The following CCNH variants were observed in gnomAD, a reference collection of about 807,000 sequenced individuals.
The protein encoded by CCNH is cyclin H, also known as cyclin-H.
A neutral mutation model predicts 41.9 loss-of-function variants in CCNH; 31 were observed. The observed-to-expected ratio is 0.74, with a 90% CI of 0.56 to 1.00. CCNH has a LOEUF of 1.00. CCNH is among the 50% of genes least tolerant of loss of function. CCNH has a pLI of 0.00. For missense variants in CCNH, 362 were observed against 388.4 expected, an observed-to-expected ratio of 0.93 and a Z score of 0.57; for synonymous variants, 138 against 136.1, an observed-to-expected ratio of 1.01 and a Z score of -0.10.
rs1410065542 is a variant in CCNH at position 87,412,741 on chromosome 5, C to T, written c.54G>A (p.Gln18=). The T allele has an allele frequency of 1.2e-6, 2 of 1,614,244 alleles. No homozygotes were observed. The highest frequency in any genetic ancestry group is 2.2e-5 in the South Asian group (2 of 91,078). Residue 18 remains glutamine (Q), a synonymous_variant, in exon 1 of 9, where the codon CAG becomes CAA. Transcript: ENST00000256897. ...KRHWTFSSEE[Q]LARLRADANR... is the part of the protein sequence containing the mutation. The stretch of plus-strand genomic sequence containing the variant: ...TGGCGTCAGCCCGCAGTCTTGCCAG[C>T]TGCTCCTCGCTGGAGAAGGTCCAGT...
chr5:87,385,949 T>C (rs2112514798), intron 9 of CCNH, among the ~76,000 whole-genome samples: 1 of 152,170 alleles, frequency 6.6e-6, no homozygotes, highest in East Asian at 1.9e-4. Flanking sequence ...CTTGCATACA[T>C]TTCCTTTCAT....
At chr5:87,362,609 G>A (rs776213397) in intron 9 of CCNH, 5 of 1,595,386 alleles carry the variant, frequency 3.1e-6, no homozygotes, top group Admixed American at 3.3e-5. Context: ...AATACCATCC[G>A]TCGTAAAACA....
chr5:87,329,034 G>C (rs1163351428), intron 9 of CCNH, among the ~76,000 whole-genome samples: 2 of 152,108 alleles, frequency 1.3e-5, no homozygotes, highest in East Asian at 3.8e-4. Flanking sequence ...TGAAGCTTAC[G>C]ACCTTTTGAC....
At chr5:87,359,167 T>A (rs1759881775) in intron 9 of CCNH, among the ~76,000 whole-genome samples, 1 of 152,184 alleles carries the variant, frequency 6.6e-6, no homozygotes. Flanking sequence ...TGAATTAATA[T>A]ATTAAATGGC....
chr5:87,409,813 G>T (rs1355320844), intron 2 of CCNH, among the ~76,000 whole-genome samples: 2 of 152,194 alleles, frequency 1.3e-5, no homozygotes, highest in Non-Finnish European at 2.9e-5. Flanking sequence ...CTCCATATTT[G>T]TGATATAACC....
chr5:87,351,456 G>A (rs191690100), intron 9 of CCNH, among the ~76,000 whole-genome samples: 181 of 151,732 alleles, frequency 1.2e-3, no homozygotes, highest in Non-Finnish European at 2.0e-3. Context: ...TAGACCTTGA[G>A]GAGACAATAT....
At chr5:87,412,427 CTACT>C (rs1764325870) in intron 1 of CCNH, 1 of 1,348,686 alleles carries the variant, frequency 7.4e-7, no homozygotes, top group African/African-American at 1.5e-5. Flanking sequence ...CCTTAGCACA[CTACT>C]TACTCTCTTC....
At chr5:87,390,701 T>G (rs1580421858), downstream of CCNH, 2 of 921,652 alleles carry the variant, frequency 2.2e-6, no homozygotes, top group Non-Finnish European at 1.8e-6. Flanking sequence ...ATTTTATGCA[T>G]CCTTTTGCTT....
intron 9 of CCNH, chr5:87,349,387 T>A: frequency 1.2e-6 from 2 of 1,610,176 alleles, no homozygotes; most frequent in Non-Finnish European, 1.7e-6. Flanking sequence ...TTTTTAGCTA[T>A]CTTTTACTTT....
chr5:87,394,527 A>G, intron 8 of CCNH, 43 bp from the exon 9 acceptor site: 3 of 1,610,732 alleles, frequency 1.9e-6, no homozygotes, highest in Non-Finnish European at 2.5e-6. Flanking sequence ...ACTGAAGCAT[A>G]ACCAGTATTG....
intron 9 of CCNH, among the ~76,000 whole-genome samples, chr5:87,335,565 A>G (rs1220299659): frequency 6.6e-6 from 1 of 151,196 alleles, no homozygotes; most frequent in Non-Finnish European, 1.5e-5. Flanking sequence ...AGCTGGAACT[A>G]TGGGCGTCTG....
In CCNH at chr5:87,412,830, C is replaced by A; in HGVS notation, c.-36G>T. 1 of 1,600,806 alleles carries A rather than the reference C, an allele frequency of 6.2e-7. No homozygotes were observed. Among genetic ancestry groups the A allele is most frequent in the East Asian group, 2.2e-5 (1 of 44,460 alleles). On this transcript the variant is annotated 5_prime_UTR_variant, in exon 1 of 9. Coordinates refer to ENST00000256897, the MANE Select transcript of CCNH (RefSeq NM_001239.4). ...TGACCAGGTCCAGAGGGTCTGCAGA[C>A]GAGAACCCAAACGCATCAGCGTCCT...
intron 9 of CCNH, among the ~76,000 whole-genome samples, chr5:87,342,330 T>C (rs1424908320): frequency 1.3e-5 from 2 of 152,064 alleles, no homozygotes; most frequent in Non-Finnish European, 2.9e-5. Flanking sequence ...GGCTGGTTAT[T>C]GTACCTTTAG....
downstream of CCNH, among the ~76,000 whole-genome samples, chr5:87,374,631 A>G (rs908039895): frequency 1.3e-5 from 2 of 151,778 alleles, no homozygotes; most frequent in African/African-American, 4.8e-5. Flanking sequence ...TTATTAGTTT[A>G]GGAGGTTAAA....
downstream of CCNH, chr5:87,392,712 G>T: frequency 1.3e-5 from 2 of 158,652 alleles, no homozygotes; most frequent in South Asian, 1.7e-4. Context: ...GACTTACCCT[G>T]CTTCTTATAT....
chr5:87,345,226 A>T (rs1758770920), intron 9 of CCNH, among the ~76,000 whole-genome samples: 1 of 152,198 alleles, frequency 6.6e-6, no homozygotes, highest in African/African-American at 2.4e-5. Flanking sequence ...TAAATTTTAT[A>T]TGGGAATAAA....
At chr5:87,321,167 G>A (rs1756772123) in intron 9 of CCNH, among the ~76,000 whole-genome samples, 1 of 152,144 alleles carries the variant, frequency 6.6e-6, no homozygotes, top group Non-Finnish European at 1.5e-5. Flanking sequence ...GATACTGGAG[G>A]TGCAGTATAC....
intron 9 of CCNH, among the ~76,000 whole-genome samples, chr5:87,329,792 C>T (rs1757480534): frequency 6.6e-6 from 1 of 152,048 alleles, no homozygotes; most frequent in Non-Finnish European, 1.5e-5. Flanking sequence ...TAAGGATAAC[C>T]TAAGGATATC....
chr5:87,352,774 A>G (rs966794846), intron 9 of CCNH, among the ~76,000 whole-genome samples: 1 of 151,774 alleles, frequency 6.6e-6, no homozygotes, highest in African/African-American at 2.4e-5. Context: ...CTGCTTCCTA[A>G]ATAAATGCCA....
Sources: gnomAD v4.1 joint callset for allele counts (sites outside exome capture counted in the v4.1 genomes callset) on GRCh38, gnomAD v4.1.1 for gene constraint, MANE v1.5 for transcripts, NCBI Gene and HGNC (gene_info 2026-07-23, HGNC 2026-07-21) for gene names.